FGGY: variants seen among roughly 807,000 people sequenced by gnomAD.
FGGY encodes FGGY carbohydrate kinase domain-containing protein.
Under a neutral mutation model 71.3 loss-of-function variants are expected in FGGY, and 72 were observed. The ratio of observed to expected loss-of-function variants is 1.01; its 90% CI spans 0.84 to 1.23. FGGY has a LOEUF of 1.23. Ranked by LOEUF, FGGY falls within the 50% of genes most tolerant of loss-of-function variation. The probability of loss-of-function intolerance (pLI) is 0.00; values close to 1 mark genes in which losing one functional copy is unlikely to be tolerated. For synonymous variants in FGGY, 251 were observed against 250.3 expected (o/e 1.00, Z -0.02); for missense variants, 668 against 682.3 (o/e 0.98, Z 0.23).
intron 5 of FGGY, among the ~76,000 whole-genome samples, chr1:59,443,205 G>T (rs950118514): frequency 2.6e-5 from 4 of 152,076 alleles, no homozygotes; most frequent in African/African-American, 4.8e-5. Flanking sequence ...ATTTGTTCAG[G>T]TGCTTATTTA....
intron 2 of FGGY, among the ~76,000 whole-genome samples, chr1:59,323,214 A>G (rs1227207974): frequency 6.6e-6 from 1 of 152,166 alleles, no homozygotes; most frequent in African/African-American, 2.4e-5. Context: ...TAAGGAAATT[A>G]TCAAGAAGAA....
At chr1:59,567,990 T>C (rs1197032220) in intron 8 of FGGY, among the ~76,000 whole-genome samples, 2 of 151,890 alleles carry the variant, frequency 1.3e-5, no homozygotes, top group African/African-American at 4.8e-5. Context: ...CACGCTTGTT[T>C]GAATTCTATG....
At chr1:59,726,428 A>T (rs979718332) in intron 14 of FGGY, among the ~76,000 whole-genome samples, 1 of 152,040 alleles carries the variant, frequency 6.6e-6, no homozygotes, top group Non-Finnish European at 1.5e-5. Flanking sequence ...TAATAGGGTA[A>T]TGCTGACCTC....
chr1:59,519,751 G>A (rs935536540), intron 7 of FGGY, among the ~76,000 whole-genome samples: 1 of 152,166 alleles, frequency 6.6e-6, no homozygotes, highest in Non-Finnish European at 1.5e-5. Context: ...TGCTCCTCAC[G>A]ATAAGCCTAC....
intron 6 of FGGY, among the ~76,000 whole-genome samples, chr1:59,505,505 A>G (rs754109714): frequency 4.6e-5 from 7 of 152,284 alleles, no homozygotes; most frequent in Non-Finnish European, 7.4e-5. Context: ...GACTTTGGCA[A>G]AACTGAGCTG....
chr1:59,514,789 C>T (rs1341666709), intron 7 of FGGY, among the ~76,000 whole-genome samples: 6 of 152,152 alleles, frequency 3.9e-5, no homozygotes, highest in South Asian at 2.1e-4. Context: ...TTTTGCTCTT[C>T]GCCATGATTA....
intron 6 of FGGY, among the ~76,000 whole-genome samples, chr1:59,498,757 T>C (rs1472144661): frequency 6.6e-6 from 1 of 152,218 alleles, no homozygotes; most frequent in Non-Finnish European, 1.5e-5. Context: ...ACTTTAAGTG[T>C]CATTAAGTTA....
chr1:59,756,088 C>T (rs1379247763), intron 14 of FGGY: 4 of 152,234 alleles, frequency 2.6e-5, no homozygotes, highest in Non-Finnish European at 4.4e-5. Flanking sequence ...TAACATACCT[C>T]TGCTAAGTGG....
intron 14 of FGGY, among the ~76,000 whole-genome samples, chr1:59,676,012 A>G (rs1323366423): frequency 1.3e-5 from 2 of 152,068 alleles, no homozygotes; most frequent in African/African-American, 4.8e-5. Flanking sequence ...CAAGAAGTCC[A>G]TTTCTATAGG....
At chr1:59,549,775 T>C (rs1220842458) in intron 7 of FGGY, among the ~76,000 whole-genome samples, 1 of 152,246 alleles carries the variant, frequency 6.6e-6, no homozygotes, top group East Asian at 1.9e-4. Flanking sequence ...GCAAAGTCTC[T>C]TTTTTATTTT....
rs574337017 is a variant in FGGY at position 59,742,142 on chromosome 1, C to A, written c.1513-15789C>A. 2.0e-5 allele frequency among the ~76,000 whole-genome samples: 3 copies of A among 152,238 alleles called. No homozygotes were observed. In the South Asian group the frequency reaches 6.2e-4, roughly 32 times the overall value. ...AATCCCTTCTTCTGCCTATCAGCTC[C>A]CCTAGCTGTTGCCTCTCATGGTCAA... is the stretch of plus-strand genomic sequence containing the variant. On this transcript the variant is annotated intron_variant, in intron 14 of 15. Transcript: ENST00000303721.
chr1:59,505,230 A>G (rs2094346857), intron 6 of FGGY, among the ~76,000 whole-genome samples: 1 of 152,218 alleles, frequency 6.6e-6, no homozygotes, highest in Non-Finnish European at 1.5e-5. Context: ...TTGGATGGGA[A>G]TAGTGTCGAC....
intron 1 of FGGY, among the ~76,000 whole-genome samples, chr1:59,307,823 A>G (rs1252701911): frequency 6.6e-6 from 1 of 152,208 alleles, no homozygotes; most frequent in Non-Finnish European, 1.5e-5. Context: ...TTTGTGAAGA[A>G]GCCCCAGCTC....
intron 7 of FGGY, among the ~76,000 whole-genome samples, chr1:59,530,673 A>C (rs1288987496): frequency 6.6e-6 from 1 of 152,178 alleles, no homozygotes; most frequent in Non-Finnish European, 1.5e-5. Context: ...GGCAGGAAGG[A>C]GGGTGAGAAG....
chr1:59,758,294 A>G (rs2098312070), intron 15 of FGGY, among the ~76,000 whole-genome samples: 1 of 152,206 alleles, frequency 6.6e-6, no homozygotes, highest in Non-Finnish European at 1.5e-5. Context: ...TTATATCTCC[A>G]TCAAAGGACC....
intron 2 of FGGY, among the ~76,000 whole-genome samples, chr1:59,331,540 C>A (rs1193299676): frequency 3.3e-5 from 5 of 152,102 alleles, no homozygotes; most frequent in Non-Finnish European, 1.5e-5. Context: ...TCAGGTGTAT[C>A]CTCAAATTTC....
intron 8 of FGGY, among the ~76,000 whole-genome samples, chr1:59,580,384 A>C (rs1571571312): frequency 6.6e-6 from 1 of 151,228 alleles, no homozygotes; most frequent in African/African-American, 2.4e-5. Flanking sequence ...GCTTCCCTTT[A>C]CCCCCCGCCT....
chr1:59,570,652 C>T (rs1271706802), intron 8 of FGGY, among the ~76,000 whole-genome samples: 4 of 152,100 alleles, frequency 2.6e-5, no homozygotes, highest in East Asian at 1.9e-4. Flanking sequence ...GAAACCAGAA[C>T]GCAGACACAC....
chr1:59,554,349 G>A, intron 8 of FGGY, 122 bp downstream of exon 8: 1 of 680,116 alleles, frequency 1.5e-6, no homozygotes, highest in Non-Finnish European at 2.4e-6. Context: ...TGCCCCTTGT[G>A]CTTTGTCTAG....
Sources: gnomAD v4.1 joint callset for allele counts (sites outside exome capture counted in the v4.1 genomes callset) on GRCh38, gnomAD v4.1.1 for gene constraint, MANE v1.5 for transcripts, NCBI Gene and HGNC (gene_info 2026-07-23, HGNC 2026-07-21) for gene names.